Variants in PLG observed in about 807,000 individuals in gnomAD.
The protein encoded by PLG is plasmin.
PLG carries 41 observed loss-of-function variants against 104.4 expected under a neutral mutation model. The observed-to-expected ratio is 0.39, with a 90% CI of 0.31 to 0.51. The LOEUF (loss-of-function observed/expected upper bound fraction) is 0.51, where lower values mean the gene tolerates loss of function less well. Among genes scored for constraint, PLG ranks in the 20% least tolerant of loss-of-function variants. PLG has a pLI of 0.76. For synonymous variants in PLG, 337 were observed against 357.1 expected, an observed-to-expected ratio of 0.94 and a Z score of 0.63; for missense variants, 891 against 1,003.6, an observed-to-expected ratio of 0.89 and a Z score of 1.52.
At chr6:160,745,460 G>C (rs1431156144) in intron 17 of PLG, among the ~76,000 whole-genome samples, 2 of 152,090 alleles carry the variant, frequency 1.3e-5, no homozygotes, top group Non-Finnish European at 2.9e-5. Context: ...CTGAAATTAG[G>C]ATGGCAACCC....
chr6:160,731,995 T>C lies in PLG; in HGVS notation c.1587+102T>C, dbSNP rs2115174226. On this transcript the variant is annotated intron_variant, in intron 12 of 18. Coordinates refer to ENST00000308192, the MANE Select transcript of PLG (RefSeq NM_000301.5). This position sits in a 1 kb window ranked among gnomAD's most constrained non-coding sequence, Gnocchi z 5.1. ...AAATCTGACCTGGACTGCTCTTTTT[T>C]GTAATGGGGGAGAGGGGACAGAAGA... 1.7e-6 allele frequency: 2 copies of C among 1,179,842 alleles called. No individual in the cohort carries two copies. Among genetic ancestry groups the C allele is most frequent in the Non-Finnish European group, 2.5e-6 (2 of 791,948 alleles). The allele number at this position is 1,179,842 out of a possible 1,614,324, so 73.1% of individuals were successfully genotyped here.
chr6:160,714,490 G>C (rs1777697938), intron 5 of PLG, among the ~76,000 whole-genome samples: 2 of 152,170 alleles, frequency 1.3e-5, no homozygotes, highest in African/African-American at 4.8e-5. Context: ...CCACTGGCCT[G>C]TGCATCCCGG....
At position 160,748,032 on chromosome 6, in the gene PLG, T is replaced by C. The variant is rs538269778; in HGVS notation, c.2126-4083T>C. On this transcript the variant is annotated intron_variant, in intron 17 of 18. Coordinates refer to ENST00000308192, the MANE Select transcript of PLG (RefSeq NM_000301.5). Reference sequence around the variant, plus strand: ...AAAAGTCATAAACTCTCTGGCTGGGTGCAGTGGCTCACGCCTGTAATCCCA... The same window carrying C: ...AAAAGTCATAAACTCTCTGGCTGGGCGCAGTGGCTCACGCCTGTAATCCCA... Among the ~76,000 whole-genome samples the C allele has an allele frequency of 7.5e-3, 1,142 of 151,446 alleles. 8 individuals are homozygous for C. The highest frequency in any genetic ancestry group is 0.012 in the Non-Finnish European group (806 of 67,544).
Position 160,737,170 on chromosome 6 carries a change from A to G in PLG, c.1802+163A>G, listed in dbSNP as rs1280858295. On this transcript the variant is annotated intron_variant, in intron 14 of 18. Coordinates refer to ENST00000308192, the MANE Select transcript of PLG (RefSeq NM_000301.5). The surrounding 1 kb of genome is among the most constrained non-coding windows in gnomAD (Gnocchi z 4.7). ...AAAATTAATATATGTATATATACAT[A>G]TATATTTTTATAGGTTCTCTACTGT... Among the ~76,000 whole-genome samples, 1 of 151,716 alleles carries G rather than the reference A, an allele frequency of 6.6e-6. No homozygotes were observed. Among genetic ancestry groups the G allele is most frequent in the Non-Finnish European group, 1.5e-5 (1 of 68,038 alleles).
chr6:160,752,826 G>C lies in PLG; in HGVS notation c.2272-74G>C. ...TACTGGGAAAATGTATATATGGATA[G>C]TAGAAGGATGGCATCCCATAATAAA... On this transcript the variant is annotated intron_variant, in intron 18 of 18. Transcript: ENST00000308192. This position sits in a 1 kb window ranked among gnomAD's most constrained non-coding sequence, Gnocchi z 4.7. 1 of 1,498,734 alleles carries C rather than the reference G, an allele frequency of 6.7e-7. No homozygotes were observed. Among genetic ancestry groups the C allele is most frequent in the East Asian group, 2.3e-5 (1 of 44,256 alleles). 92.8% of individuals were successfully genotyped at this position (1,498,734 alleles called of 1,614,324 possible).
Position 160,714,919 on chromosome 6 carries a change from G to C in PLG, c.668+5G>C. On this transcript the variant is annotated splice_donor_5th_base_variant and intron_variant, in intron 6 of 18. Coordinates refer to ENST00000308192, the MANE Select transcript of PLG (RefSeq NM_000301.5). ...TCATGGATACATTCCTTCCAAGTAAGTCTCACTGGGAAAAACATTCCATGT... is the reference window on the plus strand; with the variant it reads ...TCATGGATACATTCCTTCCAAGTAACTCTCACTGGGAAAAACATTCCATGT... 6.2e-7 allele frequency: 1 copy of C among 1,613,444 alleles called. No homozygotes were observed. The highest frequency in any genetic ancestry group is 8.5e-7 in the Non-Finnish European group (1 of 1,179,502).
chr6:160,711,816 A>G, intron 4 of PLG: 2 of 1,500,026 alleles, frequency 1.3e-6, no homozygotes, highest in Non-Finnish European at 1.8e-6. Flanking sequence ...CTCTCATCAC[A>G]TGTTCGACTC....
At position 160,713,055 on chromosome 6, in the gene PLG, G is replaced by A. The variant is rs555922023; in HGVS notation, c.477G>A (p.Pro159=). Residue 159 remains proline (P), a synonymous_variant, in exon 5 of 19, where the codon CCG becomes CCA. Transcript: ENST00000308192. ...ENYCRNPDND[P]QGPWCYTTDP... is the part of the protein sequence containing the mutation. ...ACTGCAGGAATCCAGACAACGATCCGCAGGGGCCCTGGTGCTATACTACTG... is the reference window on the plus strand; with the variant it reads ...ACTGCAGGAATCCAGACAACGATCCACAGGGGCCCTGGTGCTATACTACTG... The A allele has an allele frequency of 4.3e-5, 69 of 1,607,788 alleles. No individual in the cohort carries two copies. The highest frequency in any genetic ancestry group is 2.3e-4 in the African/African-American group (17 of 74,866).
At chr6:160,743,300 T>C (rs1418723776) in intron 17 of PLG, among the ~76,000 whole-genome samples, 1 of 152,220 alleles carries the variant, frequency 6.6e-6, no homozygotes, top group East Asian at 1.9e-4. Flanking sequence ...GAGCATGGGA[T>C]GTTTTTCCAT....
chr6:160,738,584 G>A lies in PLG; in HGVS notation c.1849G>A (p.Val617Met). 6.2e-7 allele frequency: 1 copy of A among 1,611,318 alleles called. No individual in the cohort carries two copies. Among genetic ancestry groups the A allele is most frequent in the Non-Finnish European group, 8.5e-7 (1 of 1,177,398 alleles). Residue 617 changes from valine to methionine, a missense_variant, in exon 15 of 19, where the codon GTG (valine) becomes ATG (methionine). Coordinates refer to ENST00000308192, the MANE Select transcript of PLG (RefSeq NM_000301.5). The surrounding 1 kb of genome is among the most constrained non-coding windows in gnomAD (Gnocchi z 6.8). ...CGGTLISPEW[V>M]LTAAHCLEKS... The stretch of plus-strand genomic sequence containing the variant: ...AGGCACCTTGATATCCCCAGAGTGG[G>A]TGTTGACTGCTGCCCACTGCTTGGA...
At position 160,718,777 on chromosome 6, in the gene PLG, G is replaced by A; in HGVS notation, c.1035G>A (p.Glu345=). 1.2e-6 allele frequency: 2 copies of A among 1,613,632 alleles called. No homozygotes were observed. Among genetic ancestry groups the A allele is most frequent in the Non-Finnish European group, 1.7e-6 (2 of 1,179,584 alleles). Residue 345 remains glutamate, a synonymous_variant, in exon 9 of 19, where the codon GAG becomes GAA. Transcript: ENST00000308192. ...CAACCAACAGCCAAGTGCGGTGGGA[G>A]TACTGTAAGATACCGTCCTGTGACT... ...CHTTNSQVRW[E]YCKIPSCDSS...
In PLG at chr6:160,734,746, A is replaced by G. The variant is rs1311424013; in HGVS notation, c.1681+658A>G. 1.6e-5 allele frequency among the ~76,000 whole-genome samples: 1 copy of G among 61,074 alleles called. No individual in the cohort carries two copies. The highest frequency in any genetic ancestry group is 2.3e-4 in the East Asian group (1 of 4,316). The allele number at this position is 61,074 out of a possible 152,430, so 40.1% of individuals were successfully genotyped here. On this transcript the variant is annotated intron_variant, in intron 13 of 18. Coordinates refer to ENST00000308192, the MANE Select transcript of PLG (RefSeq NM_000301.5). The surrounding 1 kb of genome is among the most constrained non-coding windows in gnomAD (Gnocchi z 4.4). Reference sequence around the variant, plus strand: ...AATAACAAATCCATGGGTATTTCTGAAAAAAAAAAAAAAAAAAAGAAAGGA... The same window carrying G: ...AATAACAAATCCATGGGTATTTCTGGAAAAAAAAAAAAAAAAAAGAAAGGA...
At chr6:160,714,442 G>A (rs966588736) in intron 5 of PLG, among the ~76,000 whole-genome samples, 8 of 151,368 alleles carry the variant, frequency 5.3e-5, no homozygotes, top group Non-Finnish European at 8.9e-5. Context: ...TCCTAATGGA[G>A]AACGTAGACT....
At chr6:160,705,592 T>C (rs908742123) in intron 1 of PLG, 1 of 152,256 alleles carries the variant, frequency 6.6e-6, no homozygotes, top group East Asian at 1.9e-4. Flanking sequence ...TTTTGCCCAA[T>C]TTTTGTCCAA....
chr6:160,712,981 C>G lies in PLG; in HGVS notation c.408-5C>G. On this transcript the variant is annotated splice_polypyrimidine_tract_variant and splice_region_variant and intron_variant, in intron 4 of 18. Transcript: ENST00000308192. ...GTCTAAGTGCTTCTTTTCCATCCTC[C>G]CCAGATTCTCACCTGCTACACACCC... The G allele has an allele frequency of 6.2e-7, 1 of 1,609,400 alleles. No homozygotes were observed. Among genetic ancestry groups the G allele is most frequent in the African/African-American group, 1.3e-5 (1 of 74,908 alleles).
rs1035024633 is a variant in PLG, at chr6:160,752,145, C to T, written c.2156C>T (p.Ala719Val). The change falls in exon 18 of 19, where the codon GCC (alanine) becomes GTC (valine). Residue 719 changes from alanine to valine, a missense_variant. By Grantham distance (64) the Ala-to-Val change is moderately conservative. This residue lies in a region of PLG where 854 missense variants were observed against 932.1 expected (regional missense o/e 0.92). Coordinates refer to ENST00000308192, the MANE Select transcript of PLG (RefSeq NM_000301.5). The surrounding 1 kb of genome is among the most constrained non-coding windows in gnomAD (Gnocchi z 4.7). ...GTFGAGLLKE[A>V]QLPVIENKVC... ...TTTGGAGCTGGCCTTCTCAAGGAAGCCCAGCTCCCTGTGATTGAGAATAAA... is the reference window on the plus strand; with the variant it reads ...TTTGGAGCTGGCCTTCTCAAGGAAGTCCAGCTCCCTGTGATTGAGAATAAA... 2.5e-6 allele frequency: 4 copies of T among 1,611,618 alleles called. No individual in the cohort carries two copies. Among genetic ancestry groups the T allele is most frequent in the Middle Eastern group, 3.3e-4 (2 of 6,082 alleles).
chr6:160,710,655 C>T (rs1777623456), intron 3 of PLG, among the ~76,000 whole-genome samples: 4 of 152,186 alleles, frequency 2.6e-5, no homozygotes. Flanking sequence ...GCCTGCCATT[C>T]CCCCATCTAA....
Position 160,741,332 on chromosome 6 carries a change from A to C in PLG, c.2040A>C (p.Lys680Asn). 6.2e-7 allele frequency: 1 copy of C among 1,610,148 alleles called. No homozygotes were observed. The highest frequency in any genetic ancestry group is 8.5e-7 in the Non-Finnish European group (1 of 1,176,292). The stretch of plus-strand genomic sequence containing the variant: ...TCAGTCCTGCCGTCATCACTGACAA[A>C]GTAATCCCAGCTTGTCTGCCATCCC... ...KLSSPAVITD[K>N]VIPACLPSPN... Residue 680 changes from lysine (K) to asparagine (N), a missense_variant, in exon 17 of 19, where the codon AAA becomes AAC. This residue lies in a region of PLG where 854 missense variants were observed against 932.1 expected (regional missense o/e 0.92). Transcript: ENST00000308192. This position sits in a 1 kb window ranked among gnomAD's most constrained non-coding sequence, Gnocchi z 4.7.
At chr6:160,748,458 AGGG>A (rs1778333061) in intron 17 of PLG, among the ~76,000 whole-genome samples, 3 of 20,398 alleles carry the variant, frequency 1.5e-4, no homozygotes, top group Non-Finnish European at 2.0e-4. Context: ...GGAGGGAGGG[AGGG>A]AGGGAGGGAG....
Sources: allele counts gnomAD v4.1 joint callset (sites outside exome capture counted in the v4.1 genomes callset), GRCh38; gene constraint gnomAD v4.1.1; regional missense constraint gnomAD v4.1.1; non-coding constraint Gnocchi (gnomAD v3.1); transcripts MANE v1.5; gene names NCBI Gene and HGNC (gene_info 2026-07-23, HGNC 2026-07-21).